Variants in NLRP4 observed in about 807,000 individuals in gnomAD.
The protein encoded by NLRP4 is NACHT, LRR and PYD domains-containing protein 4.
A neutral mutation model predicts 84.7 loss-of-function variants in NLRP4; 44 were observed. The observed-to-expected ratio is 0.52, with a 90% CI of 0.41 to 0.67. The LOEUF (loss-of-function observed/expected upper bound fraction) is 0.67. Ranked by LOEUF, NLRP4 falls within the 30% of genes least tolerant of loss-of-function variation. The pLI is 0.00. For synonymous variants in NLRP4, 544 were observed against 476.4 expected, an observed-to-expected ratio of 1.14 and a Z score of -1.85; for missense variants, 1,260 against 1,219.4, an observed-to-expected ratio of 1.03 and a Z score of -0.50.
chr19:55,838,655 A>G (rs1334574079), intron 1 of NLRP4, among the ~76,000 whole-genome samples: 1 of 152,152 alleles, frequency 6.6e-6, no homozygotes, highest in Admixed American at 6.5e-5. Context: ...AGGATCACCA[A>G]ATGTTAAAAG....
chr19:55,843,329 T>C (rs1478579575), intron 1 of NLRP4, among the ~76,000 whole-genome samples: 2 of 152,164 alleles, frequency 1.3e-5, no homozygotes, highest in Non-Finnish European at 2.9e-5. Flanking sequence ...CATGGGTTTG[T>C]TATTTATACT....
intron 1 of NLRP4, among the ~76,000 whole-genome samples, chr19:55,851,714 GGCTGCGGTGTAATTTCCGAA>G (rs1568660163): frequency 6.7e-5 from 10 of 149,564 alleles, no homozygotes; most frequent in Admixed American, 2.0e-4. Context: ...TAATGTCCGA[GGCTGCGGTGTAATTTCCGAA>G]GCTGCGGTGT....
At chr19:55,844,429 C>T (rs1394386248) in intron 1 of NLRP4, among the ~76,000 whole-genome samples, 1 of 152,088 alleles carries the variant, frequency 6.6e-6, no homozygotes, top group East Asian at 1.9e-4. Flanking sequence ...AGGCACATAC[C>T]ACCACTTGGC....
At chr19:55,877,206 G>T (rs1370613538) in intron 8 of NLRP4, 40 bp downstream of exon 8, 3 of 1,572,544 alleles carry the variant, frequency 1.9e-6, no homozygotes, top group Non-Finnish European at 2.6e-6. Context: ...TTCATGAGTG[G>T]CAAAGACGGA....
chr19:55,856,862 A>G (rs1268275579), intron 2 of NLRP4, among the ~76,000 whole-genome samples: 1 of 152,100 alleles, frequency 6.6e-6, no homozygotes, highest in Non-Finnish European at 1.5e-5. Flanking sequence ...CTGCCATTGA[A>G]AGAAAGCTCA....
At chr19:55,856,609 G>A (rs538836684) in intron 2 of NLRP4, among the ~76,000 whole-genome samples, 6 of 145,426 alleles carry the variant, frequency 4.1e-5, no homozygotes, top group African/African-American at 7.7e-5. Flanking sequence ...TCTGCCTCCC[G>A]GGTTCAAGCG....
rs1362394515 is a variant in NLRP4, at chr19:55,858,989, C to T, written c.1596C>T (p.His532=). ...CCCAAGAGATAAAGCAGCAAATTCA[C>T]CAGTGCCTGAAGAGCTTAGGGGAGC... ...QLSQEIKQQI[H]QCLKSLGERG... The change falls in exon 3 of 10, where the codon CAC becomes CAT. Residue 532 remains histidine, a synonymous_variant. Transcript: ENST00000301295. This position sits in a 1 kb window ranked among gnomAD's most constrained non-coding sequence, Gnocchi z 4.2. The T allele has an allele frequency of 6.2e-7, 1 of 1,614,152 alleles. No homozygotes were observed. Among genetic ancestry groups the T allele is most frequent in the African/African-American group, 1.3e-5 (1 of 75,042 alleles).
chr19:55,841,388 T>G (rs1983607490), intron 1 of NLRP4, among the ~76,000 whole-genome samples: 1 of 152,240 alleles, frequency 6.6e-6, no homozygotes, highest in Non-Finnish European at 1.5e-5. Flanking sequence ...ATGGTAGTTT[T>G]CTTTCTGTGC....
chr19:55,860,040 C>T (rs1268247110), intron 3 of NLRP4, among the ~76,000 whole-genome samples: 1 of 139,004 alleles, frequency 7.2e-6, no homozygotes, highest in African/African-American at 2.7e-5. Flanking sequence ...GGCTGGAGTG[C>T]AGTGGCGAGA....
rs777979792 is a variant in NLRP4, at chr19:55,861,553, T to C, written c.2018+6T>C. 1 of 1,612,950 alleles carries C rather than the reference T, an allele frequency of 6.2e-7. No homozygotes were observed. Among genetic ancestry groups the C allele is most frequent in the Non-Finnish European group, 8.5e-7 (1 of 1,179,296 alleles). On this transcript the variant is annotated splice_donor_region_variant and intron_variant, in intron 4 of 9. Transcript: ENST00000301295. ...TGTCGCCTTCAGAAGCTTGGGTGAG[T>C]TGAGAATCGACTTCGACTCGAGTAT... is the stretch of plus-strand genomic sequence containing the variant.
chr19:55,842,529 C>CTT (rs57463609), intron 1 of NLRP4, among the ~76,000 whole-genome samples: 1,620 of 148,638 alleles, frequency 0.011, 30 homozygotes, highest in African/African-American at 0.038. Context: ...TGTCCTTTTT[C>CTT]TTTTTTTTTT....
At position 55,862,043 on chromosome 19, in the gene NLRP4, C is replaced by G. The variant is rs374795883; in HGVS notation, c.2070C>G (p.Leu690=). The G allele has an allele frequency of 5.6e-6, 9 of 1,613,452 alleles. No individual in the cohort carries two copies. Among genetic ancestry groups the G allele is most frequent in the Middle Eastern group, 1.6e-4 (1 of 6,082 alleles). ...AGAGTGTTCTGCTCTTTGAGGTGCT[C>G]TTTTATCAGCCAGACTTGAAATACC... The part of the protein sequence containing the change: ...SGQSVLLFEV[L]FYQPDLKYLS... The change falls in exon 5 of 10, where the codon CTC becomes CTG. Residue 690 remains leucine, a synonymous_variant. Coordinates refer to ENST00000301295, the MANE Select transcript of NLRP4 (RefSeq NM_134444.5).
intron 1 of NLRP4, among the ~76,000 whole-genome samples, chr19:55,842,334 T>C (rs191811813): frequency 6.6e-6 from 1 of 152,320 alleles, no homozygotes. Flanking sequence ...CCTTATCTGT[T>C]CTAGGTTCCT....
At chr19:55,837,222 G>A (rs1173321084) in intron 1 of NLRP4, among the ~76,000 whole-genome samples, 1 of 152,090 alleles carries the variant, frequency 6.6e-6, no homozygotes, top group Non-Finnish European at 1.5e-5. Context: ...CCTTAGGTGG[G>A]AGGAGGGAGA....
chr19:55,859,183 C>T lies in NLRP4; in HGVS notation c.1790C>T (p.Ser597Phe). ...VVSAYCLKYC[S>F]SLRKLCFSVQ... is the part of the protein sequence containing the mutation. ...TCTGCCTACTGCTTAAAATACTGCT[C>T]CAGCTTGAGGAAACTCTGTTTTTCC... Residue 597 changes from serine (S) to phenylalanine (F), a missense_variant, in exon 3 of 10, where the codon TCC becomes TTC. Physicochemically the swap from Ser to Phe is radical, Grantham distance 155. Around this residue, in one of 3 missense-constraint regions of NLRP4, gnomAD observed 544 missense variants for 531.7 expected, o/e 1.02. Transcript: ENST00000301295. 6.2e-7 allele frequency: 1 copy of T among 1,611,290 alleles called. No individual in the cohort carries two copies. Among genetic ancestry groups the T allele is most frequent in the South Asian group, 1.1e-5 (1 of 91,028 alleles).
intron 1 of NLRP4, among the ~76,000 whole-genome samples, chr19:55,840,513 A>G (rs1983573201): frequency 6.6e-6 from 1 of 152,066 alleles, no homozygotes; most frequent in South Asian, 2.1e-4. Flanking sequence ...CCTCCCGAGT[A>G]GCTGGGATTA....
intron 2 of NLRP4, 43 bp downstream of exon 2, chr19:55,852,403 C>T: frequency 7.2e-7 from 1 of 1,394,036 alleles, no homozygotes; most frequent in Non-Finnish European, 9.9e-7. Context: ...ATAATGAGGA[C>T]TATGTCCTAA....
intron 1 of NLRP4, among the ~76,000 whole-genome samples, chr19:55,838,035 C>CCAAAAAAAAAAAAA (rs59078329): frequency 1.5e-5 from 2 of 132,696 alleles, no homozygotes; most frequent in Non-Finnish European, 1.6e-5. Context: ...GACTCGGTCT[C>CCAAAAAAAAAAAAA]AAGCTGGATG....
rs748481890 is a variant in NLRP4, at chr19:55,867,858, C to T, written c.2336C>T (p.Thr779Met). ...LLCEALCSPD[T>M]VLVYLMLAFC... ...TGTGAAGCCCTGTGCAGCCCAGACA[C>T]GGTCCTGGTATACCTGATGTGAGTG... The change falls in exon 6 of 10, where the codon ACG becomes ATG. Residue 779 changes from threonine to methionine, a missense_variant. By Grantham distance (81) the Thr-to-Met change is moderately conservative. Around this residue, in one of 3 missense-constraint regions of NLRP4, gnomAD observed 544 missense variants for 531.7 expected, o/e 1.02. Transcript: ENST00000301295. The T allele has an allele frequency of 1.6e-5, 26 of 1,613,980 alleles. No homozygotes were observed. Among genetic ancestry groups the T allele is most frequent in the African/African-American group, 1.1e-4 (8 of 74,926 alleles).
Sources: gnomAD v4.1 joint callset for allele counts (sites outside exome capture counted in the v4.1 genomes callset) on GRCh38, gnomAD v4.1.1 for gene constraint, gnomAD v4.1.1 regional missense constraint, Gnocchi (gnomAD v3.1) non-coding constraint, MANE v1.5 for transcripts, NCBI Gene and HGNC (gene_info 2026-07-23, HGNC 2026-07-21) for gene names.